DENND2A: variants seen among roughly 807,000 people sequenced by gnomAD.
DENND2A encodes the protein DENN domain-containing protein 2A.
A neutral mutation model predicts 105.3 loss-of-function variants in DENND2A; 53 were observed. The ratio of observed to expected loss-of-function variants is 0.50; its 90% confidence interval spans 0.40 to 0.63. The LOEUF is 0.63. DENND2A is among the 30% of genes least tolerant of loss of function. The pLI is 0.00. For missense variants in DENND2A, 1,138 were observed against 1,279.6 expected (o/e 0.89, Z 1.69); for synonymous variants, 522 against 508.4 (o/e 1.03, Z -0.36).
chr7:140,609,190 C>A (rs1799796919), intron 1 of DENND2A, among the ~76,000 whole-genome samples: 1 of 152,134 alleles, frequency 6.6e-6, no homozygotes, highest in Non-Finnish European at 1.5e-5. Flanking sequence ...ATAGAACTTC[C>A]CATTAACCAG....
At chr7:140,549,966 A>C (rs1345483791) in intron 12 of DENND2A, among the ~76,000 whole-genome samples, 1 of 152,240 alleles carries the variant, frequency 6.6e-6, no homozygotes, top group African/African-American at 2.4e-5. Context: ...GTACAGATAC[A>C]TGCTACGACA....
intron 14 of DENND2A, among the ~76,000 whole-genome samples, chr7:140,538,982 C>T (rs1796549230): frequency 6.6e-6 from 1 of 150,788 alleles, no homozygotes; most frequent in Non-Finnish European, 1.5e-5. Flanking sequence ...TGCCACCACG[C>T]CCAGCTAATT....
At chr7:140,585,160 T>C (rs1798725532) in intron 5 of DENND2A, among the ~76,000 whole-genome samples, 1 of 152,184 alleles carries the variant, frequency 6.6e-6, no homozygotes, top group South Asian at 2.1e-4. Flanking sequence ...ATTGCACCAC[T>C]GCACTCCTGC....
chr7:140,534,419 A>G (rs1240542083), intron 14 of DENND2A, among the ~76,000 whole-genome samples: 5 of 152,138 alleles, frequency 3.3e-5, no homozygotes, highest in African/African-American at 1.2e-4. Flanking sequence ...GCCCCTAAAC[A>G]CTAAAAGGAA....
At chr7:140,621,737 T>A (rs1800300325) in intron 1 of DENND2A, among the ~76,000 whole-genome samples, 1 of 152,076 alleles carries the variant, frequency 6.6e-6, no homozygotes, top group Non-Finnish European at 1.5e-5. Flanking sequence ...ATACAGGAAA[T>A]AAGATGCACA....
chr7:140,580,184 A>G (rs761551470), intron 5 of DENND2A, among the ~76,000 whole-genome samples: 12 of 152,228 alleles, frequency 7.9e-5, no homozygotes, highest in Admixed American at 2.6e-4. Context: ...CCAATTGTGG[A>G]CGAGTTTTTT....
At chr7:140,540,871 C>T (rs374830075) in intron 14 of DENND2A, among the ~76,000 whole-genome samples, 3 of 152,166 alleles carry the variant, frequency 2.0e-5, no homozygotes, top group African/African-American at 7.2e-5. Context: ...GTGCACGCCA[C>T]CACGACCAGC....
chr7:140,544,542 C>A, intron 14 of DENND2A, 76 bp downstream of exon 14: 2 of 1,593,460 alleles, frequency 1.3e-6, no homozygotes, highest in South Asian at 2.2e-5. Context: ...GCTAGGCGGT[C>A]ACCTGCTCTA....
At chr7:140,519,004 C>T (rs1263653900) in intron 19 of DENND2A, among the ~76,000 whole-genome samples, 4 of 152,110 alleles carry the variant, frequency 2.6e-5, no homozygotes, top group African/African-American at 9.7e-5. Flanking sequence ...AAGGAAGCAC[C>T]GAATTAACAC....
At chr7:140,625,224 A>C (rs962353455) in intron 1 of DENND2A, among the ~76,000 whole-genome samples, 2 of 150,684 alleles carry the variant, frequency 1.3e-5, no homozygotes, top group Non-Finnish European at 2.9e-5. Context: ...TAAAAACACA[A>C]AAATTAGCTG....
rs186203431 is a variant in DENND2A, at chr7:140,584,155, T to G, written c.1245+1434A>C. Among the ~76,000 whole-genome samples, 126 of 150,428 alleles carry G rather than the reference T, an allele frequency of 8.4e-4. 1 individual carries two copies. Among genetic ancestry groups the G allele is most frequent in the Non-Finnish European group, 1.4e-3 (94 of 67,950 alleles). On this transcript the variant is annotated intron_variant, in intron 5 of 19. Transcript: ENST00000496613. ...TACTTGGGAGGCTAAGGCAGGAGAA[T>G]TGCTTGAACCCGGGAGGTGGAGCTT... is the stretch of plus-strand genomic sequence containing the variant.
At chr7:140,566,229 G>A (rs539461584) in intron 9 of DENND2A, among the ~76,000 whole-genome samples, 2 of 152,212 alleles carry the variant, frequency 1.3e-5, no homozygotes, top group East Asian at 3.9e-4. Context: ...AGTGGGTTTT[G>A]CCATGTTGGC....
chr7:140,566,537 G>T (rs1797841732), intron 9 of DENND2A, among the ~76,000 whole-genome samples: 1 of 152,106 alleles, frequency 6.6e-6, no homozygotes, highest in Non-Finnish European at 1.5e-5. Context: ...TGCTTAGGGA[G>T]ACTTGGGGCT....
chr7:140,550,888 T>C (rs1304807077), intron 12 of DENND2A, among the ~76,000 whole-genome samples: 1 of 152,122 alleles, frequency 6.6e-6, no homozygotes, highest in Non-Finnish European at 1.5e-5. Context: ...AAATTTTTTG[T>C]TATGTATATA....
Position 140,582,717 on chromosome 7 carries a change from C to T in DENND2A, c.1245+2872G>A, listed in dbSNP as rs139988525. On this transcript the variant is annotated intron_variant, in intron 5 of 19. Transcript: ENST00000496613. ...GACAGGCTTCAGGTGGAGACAGCCCCACCTGCCAGCGATGCTGACCCTGTG... is the reference window on the plus strand; with the variant it reads ...GACAGGCTTCAGGTGGAGACAGCCCTACCTGCCAGCGATGCTGACCCTGTG... Among the ~76,000 whole-genome samples, 735 of 152,258 alleles carry T rather than the reference C, an allele frequency of 4.8e-3. 6 individuals are homozygous for T. The highest frequency in any genetic ancestry group is 0.017 in the African/African-American group (688 of 41,544).
Position 140,587,905 on chromosome 7 carries a change from A to T in DENND2A, c.996-125T>A. 2.7e-6 allele frequency: 3 copies of T among 1,103,068 alleles called. No homozygotes were observed. In the South Asian group the frequency reaches 6.2e-5, roughly 23 times the overall value. The allele number at this position is 1,103,068 out of a possible 1,614,324, so 68.3% of individuals were successfully genotyped here. ...TCTTAGAAAAATTGTTACCGAAATC[A>T]ACTTTTATTTTATTTCATTTTTTGA... On this transcript the variant is annotated intron_variant, in intron 3 of 19. Coordinates refer to ENST00000496613, the MANE Select transcript of DENND2A (RefSeq NM_015689.5).
rs1476568045 is a variant in DENND2A at position 140,601,636 on chromosome 7, C to G, written c.762G>C (p.Ser254=). 6.2e-7 allele frequency: 1 copy of G among 1,612,916 alleles called. No homozygotes were observed. Among genetic ancestry groups the G allele is most frequent in the Non-Finnish European group, 8.5e-7 (1 of 1,179,298 alleles). ...TGAAGGGCTTTGTGGGGGAACCCTC[C>G]GAGCCCCTATACACGTTCTCAAGGC... ...DRSLENVYRG[S]EGSPTKPFIN... The change falls in exon 3 of 20, where the codon TCG becomes TCC. Residue 254 remains serine (S), a synonymous_variant. Transcript: ENST00000496613.
chr7:140,576,802 G>T (rs1455334112), intron 5 of DENND2A, among the ~76,000 whole-genome samples: 1 of 152,184 alleles, frequency 6.6e-6, no homozygotes, highest in Non-Finnish European at 1.5e-5. Context: ...CAAAAAGAAG[G>T]AAGAGGGGCA....
intron 1 of DENND2A, among the ~76,000 whole-genome samples, chr7:140,625,644 T>C (rs979670192): frequency 6.6e-6 from 1 of 152,134 alleles, no homozygotes; most frequent in African/African-American, 2.4e-5. Flanking sequence ...ATCATGCCAT[T>C]GCACTCCAGC....
Sources: allele counts gnomAD v4.1 joint callset (sites outside exome capture counted in the v4.1 genomes callset), GRCh38; gene constraint gnomAD v4.1.1; transcripts MANE v1.5; gene names NCBI Gene and HGNC (gene_info 2026-07-23, HGNC 2026-07-21).